GSTCD: variants seen among roughly 807,000 people sequenced by gnomAD.
The protein encoded by GSTCD is glutathione S-transferase C-terminal domain containing, also known as glutathione S-transferase C-terminal domain-containing protein.
GSTCD carries 44 observed loss-of-function variants against 68.3 expected under a neutral mutation model. The ratio of observed to expected loss-of-function variants is 0.64; its 90% CI spans 0.51 to 0.83. The LOEUF (loss-of-function observed/expected upper bound fraction) is 0.83, where lower values mean the gene tolerates loss of function less well. Among genes scored for constraint, GSTCD ranks in the 40% least tolerant of loss-of-function variants. The probability of loss-of-function intolerance (pLI) is 0.00; values close to 1 mark genes in which losing one functional copy is unlikely to be tolerated. For synonymous variants in GSTCD, 273 were observed against 255.2 expected, an observed-to-expected ratio of 1.07 and a Z score of -0.67; for missense variants, 739 against 735.9, an observed-to-expected ratio of 1.00 and a Z score of -0.05.
chr4:105,844,654 G>A (rs184118275), intron 11 of GSTCD, among the ~76,000 whole-genome samples: 34 of 152,182 alleles, frequency 2.2e-4, no homozygotes, highest in Admixed American at 2.0e-3. Context: ...TTTTCCAGGG[G>A]GTTGAAGAAG....
At chr4:105,797,062 G>GTGTGTGTGTGTGTGTA (rs1735918898) in intron 5 of GSTCD, among the ~76,000 whole-genome samples, 1 of 151,504 alleles carries the variant, frequency 6.6e-6, no homozygotes, top group African/African-American at 2.4e-5. Flanking sequence ...GTGTGTGTGT[G>GTGTGTGTGTGTGTGTA]TGTGTGTGTG....
intron 8 of GSTCD, among the ~76,000 whole-genome samples, 161 bp from the exon 9 acceptor site, chr4:105,834,300 T>C (rs567883015): frequency 3.9e-5 from 6 of 152,364 alleles, no homozygotes; most frequent in Admixed American, 1.3e-4. Context: ...TTTGCAATAT[T>C]CCATTTGCAA....
In GSTCD at chr4:105,719,374, A is replaced by G. The variant is rs1457467749; in HGVS notation, c.741A>G (p.Thr247=). 2 of 1,614,024 alleles carry G rather than the reference A, an allele frequency of 1.2e-6. No individual in the cohort carries two copies. The highest frequency in any genetic ancestry group is 1.7e-6 in the Non-Finnish European group (2 of 1,179,988). ...TGAAAGTGGCATTCTCAAAGCTCAC[A>G]GTACAGGAAGAACCAGCTACTACCA... ...LELKVAFSKL[T]VQEEPATTNR... The change falls in exon 3 of 12, where the codon ACA becomes ACG. Residue 247 remains threonine, a synonymous_variant. Coordinates refer to ENST00000515279, the MANE Select transcript of GSTCD (RefSeq NM_001370181.1).
At chr4:105,715,224 G>A (rs1432298674) in intron 1 of GSTCD, among the ~76,000 whole-genome samples, 5 of 151,966 alleles carry the variant, frequency 3.3e-5, no homozygotes. Flanking sequence ...ATCTCACTTT[G>A]TTTGACTGTT....
At chr4:105,805,216 A>G (rs1322206322) in intron 5 of GSTCD, among the ~76,000 whole-genome samples, 6 of 152,106 alleles carry the variant, frequency 3.9e-5, no homozygotes, top group Non-Finnish European at 7.4e-5. Context: ...CAAGCCAGAA[A>G]TCTCTAAGAA....
intron 5 of GSTCD, among the ~76,000 whole-genome samples, chr4:105,749,402 T>C (rs900824059): frequency 6.6e-6 from 1 of 151,626 alleles, no homozygotes; most frequent in African/African-American, 2.4e-5. Context: ...GAAAAAAAAA[T>C]TTGAAAAAGA....
intron 11 of GSTCD, 106 bp downstream of exon 11, chr4:105,842,240 T>C (rs1003341937): frequency 1.3e-6 from 1 of 788,982 alleles, no homozygotes; most frequent in African/African-American, 1.7e-5. Context: ...AAGTCTATTT[T>C]TCAATGAGAA....
chr4:105,812,670 A>G (rs1298402379), intron 5 of GSTCD, among the ~76,000 whole-genome samples: 1 of 152,072 alleles, frequency 6.6e-6, no homozygotes, highest in Non-Finnish European at 1.5e-5. Flanking sequence ...TATTTTTTTT[A>G]CTAAATCCAA....
In GSTCD at chr4:105,719,279, A is replaced by G. The variant is rs776222904; in HGVS notation, c.646A>G (p.Lys216Glu). The change falls in exon 3 of 12, where the codon AAG (lysine) becomes GAG (glutamate). Residue 216 changes from lysine to glutamate, a missense_variant. Lys to Glu is a moderately conservative substitution (Grantham distance 56). Coordinates refer to ENST00000515279, the MANE Select transcript of GSTCD (RefSeq NM_001370181.1). Reference sequence around the variant, plus strand: ...AGTTGGGCCTCCCCTTACTAAGGGAAAGGCAAAGAGCAAGGTCCACACACA... The same window carrying G: ...AGTTGGGCCTCCCCTTACTAAGGGAGAGGCAAAGAGCAAGGTCCACACACA... ...DGVGPPLTKGKAKSKVHTQET... is the reference protein window; with the variant it reads ...DGVGPPLTKGEAKSKVHTQET... 3 of 1,613,994 alleles carry G rather than the reference A, an allele frequency of 1.9e-6. No individual in the cohort carries two copies. The highest frequency in any genetic ancestry group is 2.2e-5 in the East Asian group (1 of 44,892).
intron 5 of GSTCD, among the ~76,000 whole-genome samples, chr4:105,731,536 A>T (rs940984870): frequency 5.3e-5 from 8 of 151,540 alleles, no homozygotes; most frequent in African/African-American, 1.5e-4. Flanking sequence ...TCTGTCTGTT[A>T]TTGGTGTATA....
At position 105,846,000 on chromosome 4, in the gene GSTCD, G is replaced by GT. The variant is rs1337083723; in HGVS notation, c.*429dup. On this transcript the variant is annotated 3_prime_UTR_variant, in exon 12 of 12. Transcript: ENST00000515279. ...GAAAGTAGACTCAGTGGAGTTTTTT[G>GT]TTTTTTATATTTTTAACAATTGTAC... 6.3e-6 allele frequency: 1 copy of GT among 157,736 alleles called. No homozygotes were observed. Among genetic ancestry groups the GT allele is most frequent in the East Asian group, 1.8e-4 (1 of 5,470 alleles). 9.8% of individuals were successfully genotyped at this position (157,736 alleles called of 1,614,324 possible).
At chr4:105,742,497 C>T (rs906535089) in intron 5 of GSTCD, among the ~76,000 whole-genome samples, 16 of 152,312 alleles carry the variant, frequency 1.1e-4, no homozygotes, top group African/African-American at 3.8e-4. Flanking sequence ...TACTCAACTT[C>T]TCCGTGCCTT....
intron 5 of GSTCD, among the ~76,000 whole-genome samples, chr4:105,775,953 C>T (rs922831172): frequency 1.3e-5 from 2 of 152,186 alleles, no homozygotes; most frequent in Non-Finnish European, 2.9e-5. Context: ...CACAGCTGCC[C>T]CATCCCCCAG....
chr4:105,796,334 C>T (rs892073399), intron 5 of GSTCD, among the ~76,000 whole-genome samples: 1 of 152,162 alleles, frequency 6.6e-6, no homozygotes, highest in South Asian at 2.1e-4. Context: ...CCACTGGGTT[C>T]CTCCCATGAC....
intron 5 of GSTCD, among the ~76,000 whole-genome samples, chr4:105,763,735 T>C (rs1279203122): frequency 6.6e-6 from 1 of 152,226 alleles, no homozygotes; most frequent in Non-Finnish European, 1.5e-5. Flanking sequence ...TACAGAGTTA[T>C]GTTACATTAA....
intron 5 of GSTCD, among the ~76,000 whole-genome samples, chr4:105,817,434 A>G (rs1433864412): frequency 2.0e-5 from 3 of 151,900 alleles, no homozygotes; most frequent in Admixed American, 6.6e-5. Context: ...TAAAAATGCC[A>G]TCACACTGTT....
At chr4:105,822,016 T>C (rs1417926508) in intron 5 of GSTCD, among the ~76,000 whole-genome samples, 2 of 151,844 alleles carry the variant, frequency 1.3e-5, no homozygotes, top group Admixed American at 1.3e-4. Flanking sequence ...CAAGGAAACC[T>C]TAGTATGTTT....
At chr4:105,778,889 C>T (rs1404468975) in intron 5 of GSTCD, among the ~76,000 whole-genome samples, 1 of 152,020 alleles carries the variant, frequency 6.6e-6, no homozygotes, top group Admixed American at 6.6e-5. Flanking sequence ...CTTTATTTCT[C>T]TCCTTTTCTC....
chr4:105,791,371 C>T (rs1296583385), intron 5 of GSTCD, among the ~76,000 whole-genome samples: 1 of 122,718 alleles, frequency 8.1e-6, no homozygotes, highest in African/African-American at 3.2e-5. Context: ...CCAGCCTGGG[C>T]AACAGAGCGA....
Sources: allele counts gnomAD v4.1 joint callset (sites outside exome capture counted in the v4.1 genomes callset), GRCh38; gene constraint gnomAD v4.1.1; transcripts MANE v1.5; gene names NCBI Gene and HGNC (gene_info 2026-07-23, HGNC 2026-07-21).